Variants in GRK3 observed in about 807,000 individuals in gnomAD.
GRK3 encodes adrenergic, beta, receptor kinase 2.
In GRK3, 54 loss-of-function variants were observed where a neutral mutation model predicts 95.7. That is an observed-to-expected ratio of 0.56 (90% CI 0.45 to 0.71). The LOEUF (loss-of-function observed/expected upper bound fraction) is 0.71, where lower values mean the gene tolerates loss of function less well. Among genes scored for constraint, GRK3 ranks in the 30% least tolerant of loss-of-function variants. The pLI, the probability that GRK3 is intolerant of heterozygous loss-of-function variation, is 0.00. For missense variants in GRK3, 649 were observed against 851.2 expected (o/e 0.76, Z 2.96); for synonymous variants, 281 against 290.8 (o/e 0.97, Z 0.34).
In GRK3 at chr22:25,564,758, G is replaced by T; in HGVS notation, c.-283G>T. On this transcript the variant is annotated 5_prime_UTR_variant, in exon 1 of 21. Coordinates refer to ENST00000324198, the MANE Select transcript of GRK3 (RefSeq NM_005160.4). ...GACCGTTGGACGCGCGCTCCCCGCA[G>T]ACCCTCGCTGAAGGAGCAGGGGGCG... 6.6e-6 allele frequency: 1 copy of T among 151,124 alleles called. No individual in the cohort carries two copies. The highest frequency in any genetic ancestry group is 2.1e-4 in the South Asian group (1 of 4,816). 9.4% of individuals were successfully genotyped at this position (151,124 alleles called of 1,614,324 possible).
intron 1 of GRK3, among the ~76,000 whole-genome samples, chr22:25,601,868 A>G (rs2084411553): frequency 6.6e-6 from 1 of 152,264 alleles, no homozygotes; most frequent in Non-Finnish European, 1.5e-5. Flanking sequence ...TTTACACAAA[A>G]GCGAAAACTT....
At chr22:25,627,777 C>T (rs143589921) in intron 2 of GRK3, among the ~76,000 whole-genome samples, 2 of 152,316 alleles carry the variant, frequency 1.3e-5, no homozygotes, top group East Asian at 3.8e-4. Context: ...CCATCCTTAA[C>T]ATCATGCAGG....
intron 1 of GRK3, among the ~76,000 whole-genome samples, chr22:25,592,216 CG>C (rs1932515687): frequency 1.3e-5 from 2 of 152,176 alleles, no homozygotes; most frequent in African/African-American, 4.8e-5. Context: ...GATTTTAATT[CG>C]CCTTTTCCTA....
intron 16 of GRK3, 53 bp downstream of exon 16, chr22:25,710,017 G>T (rs766929643): frequency 1.5e-6 from 2 of 1,297,604 alleles, no homozygotes; most frequent in African/African-American, 1.5e-5. Context: ...GCCCTTACCC[G>T]CTCATCTCTG....
intron 11 of GRK3, 47 bp downstream of exon 11, chr22:25,687,714 A>G (rs2085127323): frequency 1.9e-6 from 3 of 1,605,384 alleles, no homozygotes; most frequent in South Asian, 1.1e-5. Context: ...TATTGTGTGA[A>G]TGGTCCTCTA....
chr22:25,693,992 C>T (rs1319194537), intron 12 of GRK3, among the ~76,000 whole-genome samples: 4 of 151,906 alleles, frequency 2.6e-5, no homozygotes, highest in African/African-American at 7.2e-5. Context: ...GGTTTCTCCA[C>T]GTTGGTCAGG....
intron 3 of GRK3, among the ~76,000 whole-genome samples, chr22:25,652,155 C>G (rs1416726937): frequency 6.6e-6 from 1 of 152,092 alleles, no homozygotes; most frequent in Non-Finnish European, 1.5e-5. Context: ...AATGATCTGG[C>G]CAGGCATGGT....
intron 1 of GRK3, among the ~76,000 whole-genome samples, chr22:25,574,799 G>T (rs1429911654): frequency 6.6e-6 from 1 of 152,160 alleles, no homozygotes; most frequent in East Asian, 1.9e-4. Flanking sequence ...TAACTGGGAA[G>T]AGAATCATGC....
Position 25,722,765 on chromosome 22 carries a change from A to C in GRK3, c.*315A>C. The C allele has an allele frequency of 4.4e-6, 1 of 226,572 alleles. No homozygotes were observed. Among genetic ancestry groups the C allele is most frequent in the African/African-American group, 2.2e-5 (1 of 44,562 alleles). 14.0% of individuals were successfully genotyped at this position (226,572 alleles called of 1,614,324 possible). ...TCAAACACATCTTAGACTCCCCAGAATGGAATTTAAAGATGTTCAGTGTTG... is the reference window on the plus strand; with the variant it reads ...TCAAACACATCTTAGACTCCCCAGACTGGAATTTAAAGATGTTCAGTGTTG... On this transcript the variant is annotated 3_prime_UTR_variant, in exon 21 of 21. Coordinates refer to ENST00000324198, the MANE Select transcript of GRK3 (RefSeq NM_005160.4).
intron 2 of GRK3, among the ~76,000 whole-genome samples, chr22:25,637,619 G>A (rs1023221723): frequency 1.3e-5 from 2 of 152,218 alleles, no homozygotes; most frequent in African/African-American, 2.4e-5. Flanking sequence ...TCACTGCATT[G>A]TGTAAGTGTG....
rs373915391 is a variant in GRK3 at position 25,650,085 on chromosome 22, TG to T, written c.264+5422del. Among the ~76,000 whole-genome samples the T allele has an allele frequency of 4.2e-4, 64 of 152,002 alleles. 2 individuals carry two copies. The East Asian group carries it at 0.012, about 28-fold the overall frequency. On this transcript the variant is annotated intron_variant, in intron 3 of 20. Transcript: ENST00000324198. ...TGGTTCACTGCAACCTCTGCCTCACTGGTTCAAGTGATTCTCCTGCCTCAGC... is the reference window on the plus strand; with the variant it reads ...TGGTTCACTGCAACCTCTGCCTCACTGTTCAAGTGATTCTCCTGCCTCAGC...
chr22:25,665,439 TG>T (rs1469585220), intron 5 of GRK3, among the ~76,000 whole-genome samples: 2 of 152,166 alleles, frequency 1.3e-5, no homozygotes, highest in African/African-American at 4.8e-5. Context: ...TAAATAACAT[TG>T]AAAAAAAATT....
chr22:25,691,500 CTT>C (rs2085164253), intron 12 of GRK3, among the ~76,000 whole-genome samples: 1 of 152,212 alleles, frequency 6.6e-6, no homozygotes, highest in African/African-American at 2.4e-5. Context: ...ACATATTTCT[CTT>C]TTTCTACAGA....
In GRK3 at chr22:25,687,598, T is replaced by C. The variant is rs1159222093; in HGVS notation, c.888T>C (p.Phe296=). The change falls in exon 11 of 21, where the codon TTT becomes TTC. Residue 296 remains phenylalanine (F), a synonymous_variant. Transcript: ENST00000324198. ...TGTTCTCTGAGAAGGAGATGCGGTT[T>C]TATGCCACTGAAATCATTCTGGGTC... ...HGVFSEKEMR[F]YATEIILGLE... is the part of the protein sequence containing the mutation. The C allele has an allele frequency of 1.9e-6, 3 of 1,614,176 alleles. No individual in the cohort carries two copies. The African/African-American group carries it at 4.0e-5, about 22-fold the overall frequency.
At chr22:25,566,631 T>G (rs766970962) in intron 1 of GRK3, among the ~76,000 whole-genome samples, 41 of 152,068 alleles carry the variant, frequency 2.7e-4, no homozygotes, top group Non-Finnish European at 1.6e-4. Flanking sequence ...ACACCCCTAT[T>G]CCAGAGTGTA....
chr22:25,720,467 CTTTTTTTTT>C (rs963248407), intron 19 of GRK3, among the ~76,000 whole-genome samples: 2 of 102,572 alleles, frequency 1.9e-5, no homozygotes, highest in African/African-American at 3.9e-5. Context: ...ATACTATAGA[CTTTTTTTTT>C]TTTTTTTTTT....
chr22:25,599,426 A>G (rs902097088), intron 1 of GRK3, among the ~76,000 whole-genome samples: 1 of 152,002 alleles, frequency 6.6e-6, no homozygotes, highest in African/African-American at 2.4e-5. Flanking sequence ...CCCCGTCTCT[A>G]CTAAAAATAC....
At position 25,643,337 on chromosome 22, in the gene GRK3, A is replaced by C. The variant is rs529073461; in HGVS notation, c.191-1255A>C. On this transcript the variant is annotated intron_variant, in intron 2 of 20. Transcript: ENST00000324198. The stretch of plus-strand genomic sequence containing the variant: ...TTTAACTAGTACTCTTAGTCATTCT[A>C]CTCTAGTTTGAGTGAACGAACACTT... 1.8e-3 allele frequency among the ~76,000 whole-genome samples: 280 copies of C among 152,206 alleles called. 1 individual carries two copies. Among genetic ancestry groups the C allele is most frequent in the Non-Finnish European group, 2.7e-3 (183 of 68,000 alleles).
intron 2 of GRK3, among the ~76,000 whole-genome samples, chr22:25,620,009 TGTGTGTGTGTGTGTGTGTGTG>T (rs2084571223): frequency 3.2e-5 from 3 of 92,654 alleles, no homozygotes; most frequent in Admixed American, 9.5e-5. Context: ...GTCTTTTTTG[TGTGTGTGTGTGTGTGTGTGTG>T]TGTGTGTGTG....
Sources: gnomAD v4.1 joint callset for allele counts (sites outside exome capture counted in the v4.1 genomes callset) on GRCh38, gnomAD v4.1.1 for gene constraint, MANE v1.5 for transcripts, NCBI Gene and HGNC (gene_info 2026-07-23, HGNC 2026-07-21) for gene names.